The following FRMPD2 variants were observed in gnomAD, a reference collection of about 807,000 sequenced individuals.
FRMPD2 encodes the protein FERM and PDZ domain-containing protein 2.
A neutral mutation model predicts 140.1 loss-of-function variants in FRMPD2; 96 were observed. That is an observed-to-expected ratio of 0.69 (90% CI 0.58 to 0.81). FRMPD2 has a LOEUF of 0.81. Among genes scored for constraint, FRMPD2 ranks in the 40% least tolerant of loss-of-function variants. The pLI is 0.00. For synonymous variants in FRMPD2, 449 were observed against 547.6 expected, an observed-to-expected ratio of 0.82 and a Z score of 2.52; for missense variants, 1,240 against 1,447.4, an observed-to-expected ratio of 0.86 and a Z score of 2.32.
intron 9 of FRMPD2, among the ~76,000 whole-genome samples, chr10:48,235,270 GT>G (rs1839941664): frequency 6.6e-6 from 1 of 152,180 alleles, no homozygotes; most frequent in African/African-American, 2.4e-5. Flanking sequence ...CATATTTTTT[GT>G]GCCCATGCAG....
intron 16 of FRMPD2, 151 bp downstream of exon 16, chr10:48,192,533 G>T (rs1450908121): frequency 2.9e-6 from 2 of 684,992 alleles, no homozygotes; most frequent in Non-Finnish European, 4.8e-6. Context: ...GTTGCGGTGA[G>T]CCAAGATCAC....
intron 10 of FRMPD2, among the ~76,000 whole-genome samples, chr10:48,227,780 T>C (rs567129597): frequency 6.6e-6 from 1 of 152,352 alleles, no homozygotes; most frequent in Admixed American, 6.5e-5. Context: ...CTTTTATAAA[T>C]TAACTGTTTT....
intron 10 of FRMPD2, among the ~76,000 whole-genome samples, chr10:48,230,794 A>G (rs190079793): frequency 3.9e-5 from 6 of 152,344 alleles, no homozygotes; most frequent in African/African-American, 1.2e-4. Context: ...ACAAAGAACA[A>G]GAACTTCTCT....
chr10:48,214,487 G>A (rs1839401870), intron 12 of FRMPD2, among the ~76,000 whole-genome samples: 1 of 152,172 alleles, frequency 6.6e-6, no homozygotes, highest in African/African-American at 2.4e-5. Context: ...TCTGGTGCAG[G>A]ATTTTTATGG....
At chr10:48,213,149 C>T (rs1159988853) in intron 12 of FRMPD2, among the ~76,000 whole-genome samples, 2 of 152,204 alleles carry the variant, frequency 1.3e-5, no homozygotes, top group Non-Finnish European at 2.9e-5. Context: ...CTACCTCCCA[C>T]ACTCCTGATG....
chr10:48,248,991 C>T (rs768289168), intron 3 of FRMPD2, 30 bp downstream of exon 3: 2 of 1,573,250 alleles, frequency 1.3e-6, no homozygotes, highest in African/African-American at 2.7e-5. Flanking sequence ...GCACAGGACT[C>T]AGAAGTTGCA....
chr10:48,185,451 G>C (rs902427627), intron 18 of FRMPD2, 102 bp downstream of exon 18: 2 of 783,542 alleles, frequency 2.6e-6, no homozygotes, highest in Non-Finnish European at 4.6e-6. Context: ...GGAGAGGAGG[G>C]ATAGGAAAGG....
intron 17 of FRMPD2, among the ~76,000 whole-genome samples, chr10:48,186,976 G>A (rs554930005): frequency 6.6e-6 from 1 of 152,234 alleles, no homozygotes; most frequent in African/African-American, 2.4e-5. Context: ...TGCTGGGATT[G>A]TCTTCGCCAG....
At chr10:48,197,700 T>G (rs1412450457) in intron 15 of FRMPD2, among the ~76,000 whole-genome samples, 1 of 152,222 alleles carries the variant, frequency 6.6e-6, no homozygotes, top group Non-Finnish European at 1.5e-5. Context: ...CTCCCTTTTA[T>G]GGCCAAAGAA....
At chr10:48,269,989 A>G (rs1406837514) in intron 1 of FRMPD2, among the ~76,000 whole-genome samples, 2 of 152,184 alleles carry the variant, frequency 1.3e-5, no homozygotes, top group African/African-American at 4.8e-5. Flanking sequence ...TGATATCTAC[A>G]AAGAGCTATA....
chr10:48,194,368 C>A (rs1838905849), intron 15 of FRMPD2, among the ~76,000 whole-genome samples: 1 of 152,130 alleles, frequency 6.6e-6, no homozygotes, highest in Non-Finnish European at 1.5e-5. Context: ...GCTGAGGACA[C>A]AAAGACAATG....
chr10:48,163,000 T>C (rs77958433), intron 28 of FRMPD2, among the ~76,000 whole-genome samples: 84,717 of 142,522 alleles, frequency 0.59, 25,319 homozygotes, highest in Non-Finnish European at 0.64. Flanking sequence ...TGTAGGAACT[T>C]CCTTCTTACT....
At chr10:48,274,396 T>C (rs1175789735) in intron 1 of FRMPD2, 147 bp downstream of exon 1, 5 of 722,496 alleles carry the variant, frequency 6.9e-6, no homozygotes, top group Non-Finnish European at 1.2e-5. Flanking sequence ...CTGGAACAAA[T>C]AATACTCCAA....
At chr10:48,269,051 GA>G (rs35947494) in intron 1 of FRMPD2, among the ~76,000 whole-genome samples, 41 of 151,750 alleles carry the variant, frequency 2.7e-4, no homozygotes, top group African/African-American at 8.5e-4. Flanking sequence ...TCATCAATTA[GA>G]AAAAAACAAC....
intron 20 of FRMPD2, among the ~76,000 whole-genome samples, chr10:48,182,622 T>C (rs78249657): frequency 2.0e-5 from 3 of 152,324 alleles, no homozygotes; most frequent in Non-Finnish European, 2.9e-5. Flanking sequence ...CCCACCATGA[T>C]GAAGGCAGCA....
intron 1 of FRMPD2, 48 bp from the exon 2 acceptor site, chr10:48,251,739 C>A (rs1303432206): frequency 3.1e-6 from 5 of 1,608,248 alleles, no homozygotes; most frequent in African/African-American, 1.3e-5. Context: ...TGTCCAGGAA[C>A]ATGTCCGGGC....
intron 1 of FRMPD2, among the ~76,000 whole-genome samples, chr10:48,266,018 T>C (rs1217230304): frequency 1.3e-5 from 2 of 152,208 alleles, no homozygotes; most frequent in Non-Finnish European, 2.9e-5. Flanking sequence ...ATATACACCA[T>C]GGAATATTAT....
chr10:48,252,882 T>G (rs280607), intron 1 of FRMPD2, among the ~76,000 whole-genome samples: 6,695 of 152,276 alleles, frequency 0.044, 496 homozygotes, highest in African/African-American at 0.15. Context: ...CTTTTTTCTT[T>G]CCTTTCCTTC....
At chr10:48,212,681 G>T (rs1839357213) in intron 12 of FRMPD2, among the ~76,000 whole-genome samples, 1 of 152,146 alleles carries the variant, frequency 6.6e-6, no homozygotes, top group Non-Finnish European at 1.5e-5. Flanking sequence ...GCACATGAAG[G>T]TGTTCAAGGA....
Sources: gnomAD v4.1 joint callset for allele counts (sites outside exome capture counted in the v4.1 genomes callset) on GRCh38, gnomAD v4.1.1 for gene constraint, MANE v1.5 for transcripts, NCBI Gene and HGNC (gene_info 2026-07-23, HGNC 2026-07-21) for gene names.